TEX11: variants seen among roughly 807,000 people sequenced by gnomAD.
TEX11 encodes the protein testis-expressed protein 11.
In TEX11, 7 loss-of-function variants were observed where a neutral mutation model predicts 84.4. The observed-to-expected ratio is 0.08, with a 90% CI of 0.05 to 0.16. TEX11 has a LOEUF of 0.16. Among genes scored for constraint, TEX11 ranks in the 10% least tolerant of loss-of-function variants. TEX11 has a pLI of 1.00. For synonymous variants in TEX11, 264 were observed against 222.8 expected (o/e 1.18, Z -1.64); for missense variants, 551 against 660.5 (o/e 0.83, Z 1.82).
At chrX:70,591,110 C>A (rs1301287466) in intron 25 of TEX11, among the ~76,000 whole-genome samples, 2 of 111,641 alleles carry the variant, frequency 1.8e-5, no homozygotes, top group Non-Finnish European at 3.8e-5. Flanking sequence ...TGAAGACTAG[C>A]CTACATTTAG....
intron 17 of TEX11, among the ~76,000 whole-genome samples, chrX:70,638,471 T>C (rs761095744): frequency 2.7e-5 from 3 of 111,283 alleles, no homozygotes; most frequent in African/African-American, 9.8e-5. Flanking sequence ...CCCAGACTTG[T>C]CTTACTAGAA....
intron 7 of TEX11, among the ~76,000 whole-genome samples, chrX:70,845,592 C>G (rs2091474979): frequency 9.0e-6 from 1 of 110,760 alleles, no homozygotes; most frequent in Non-Finnish European, 1.9e-5. Context: ...CTTTGGGAGG[C>G]TGAAGTGGGC....
chrX:70,573,248 G>T (rs1293455495), intron 25 of TEX11, among the ~76,000 whole-genome samples: 1 of 111,309 alleles, frequency 9.0e-6, no homozygotes, highest in African/African-American at 3.3e-5. Context: ...TCTACTCACT[G>T]CCATTAAGGC....
chrX:70,604,587 T>A (rs976425615), intron 24 of TEX11, among the ~76,000 whole-genome samples: 3 of 111,104 alleles, frequency 2.7e-5, no homozygotes, highest in Non-Finnish European at 5.7e-5. Flanking sequence ...TTGTTTCAGA[T>A]CCAAAGAACA....
intron 14 of TEX11, among the ~76,000 whole-genome samples, chrX:70,681,780 T>G (rs2090149729): frequency 9.0e-6 from 1 of 111,314 alleles, no homozygotes; most frequent in African/African-American, 3.3e-5. Flanking sequence ...ATAACCAAGT[T>G]TATCAAAACT....
At chrX:70,568,532 C>A (rs1194115294) in intron 25 of TEX11, among the ~76,000 whole-genome samples, 2 of 110,390 alleles carry the variant, frequency 1.8e-5, no homozygotes, top group Non-Finnish European at 3.8e-5. Context: ...ATGATTTTGC[C>A]GTGGCTGGTC....
chrX:70,793,076 GAA>G (rs2091134592), intron 9 of TEX11, among the ~76,000 whole-genome samples: 1 of 111,052 alleles, frequency 9.0e-6, no homozygotes, highest in Admixed American at 9.6e-5. Flanking sequence ...CACATAAACA[GAA>G]TTAAAAACAA....
rs1016690543 is a variant in TEX11 at position 70,678,811 on chromosome X, C to T, written c.1235G>A (p.Ser412Asn). 1.9e-5 allele frequency: 23 copies of T among 1,201,562 alleles called. No individual in the cohort carries two copies. The highest frequency in any genetic ancestry group is 2.6e-5 in the Non-Finnish European group (23 of 891,715). Reference sequence around the variant, plus strand: ...AAGAGATTATTCTCAAACCTCAAAACTACTGGCAGCTTGTCTCCACAGAAT... The same window carrying T: ...AAGAGATTATTCTCAAACCTCAAAATTACTGGCAGCTTGTCTCCACAGAAT... The part of the protein sequence containing the change: ...HNILWRQAAS[S>N]FEVQNYTDAL... The change falls in exon 15 of 30, where the codon AGT (serine) becomes AAT (asparagine). Residue 412 changes from serine to asparagine, a missense_variant. Ser to Asn is a conservative substitution (Grantham distance 46). Coordinates refer to ENST00000374333, the MANE Select transcript of TEX11 (RefSeq NM_031276.3).
intron 15 of TEX11, among the ~76,000 whole-genome samples, chrX:70,674,899 A>G (rs2090056524): frequency 9.2e-6 from 1 of 108,311 alleles, no homozygotes; most frequent in Non-Finnish European, 1.9e-5. Context: ...TTTCTGCCTT[A>G]TTTTAGATTA....
At chrX:70,535,541 G>T (rs1487916242) in intron 28 of TEX11, among the ~76,000 whole-genome samples, 2 of 111,462 alleles carry the variant, frequency 1.8e-5, no homozygotes, top group Non-Finnish European at 3.8e-5. Flanking sequence ...GAGCTCAGAA[G>T]GTTGAGACCA....
intron 7 of TEX11, among the ~76,000 whole-genome samples, chrX:70,835,837 C>T (rs1052388709): frequency 9.0e-5 from 10 of 111,601 alleles, no homozygotes; most frequent in Non-Finnish European, 1.5e-4. Flanking sequence ...CAGGGCTGGG[C>T]CCAGTGGCTC....
chrX:70,650,760 CT>C, intron 17 of TEX11, among the ~76,000 whole-genome samples: 1 of 112,166 alleles, frequency 8.9e-6, no homozygotes, highest in East Asian at 2.8e-4. Context: ...AGTTTCTTAA[CT>C]TCTGCCAAAC....
intron 28 of TEX11, among the ~76,000 whole-genome samples, chrX:70,550,830 A>G (rs2088203688): frequency 8.9e-6 from 1 of 111,768 alleles, no homozygotes; most frequent in South Asian, 3.8e-4. Context: ...ACCACTATGG[A>G]GAACAGTTCG....
intron 8 of TEX11, among the ~76,000 whole-genome samples, chrX:70,811,133 A>G (rs997680525): frequency 9.0e-6 from 1 of 110,864 alleles, no homozygotes; most frequent in African/African-American, 3.3e-5. Context: ...CCATTAACTC[A>G]TCATTTACAT....
chrX:70,619,416 G>T (rs1377841162), intron 20 of TEX11, among the ~76,000 whole-genome samples: 1 of 111,316 alleles, frequency 9.0e-6, no homozygotes, highest in Non-Finnish European at 1.9e-5. Flanking sequence ...TGAGGGGGAG[G>T]CATTTGCTAG....
At position 70,615,947 on chromosome X, in the gene TEX11, T is replaced by C. The variant is rs144827211; in HGVS notation, c.1752-5404A>G. 5.7e-3 allele frequency among the ~76,000 whole-genome samples: 635 copies of C among 111,678 alleles called. 9 individuals are homozygous for C. Among genetic ancestry groups the C allele is most frequent in the African/African-American group, 0.019 (596 of 30,751 alleles). ...ATCTGGCAAAAATATCCTTTAAACA[T>C]GTAGGAGAAATAAAGGCTTTCCCAG... On this transcript the variant is annotated intron_variant, in intron 20 of 29. Transcript: ENST00000374333.
At chrX:70,546,559 T>A (rs1056340894) in intron 28 of TEX11, among the ~76,000 whole-genome samples, 1 of 111,370 alleles carries the variant, frequency 9.0e-6, no homozygotes, top group African/African-American at 3.3e-5. Context: ...AATTCCATTT[T>A]AAAAATGGGA....
chrX:70,688,673 T>C (rs1208321342), intron 13 of TEX11, among the ~76,000 whole-genome samples: 1 of 109,193 alleles, frequency 9.2e-6, no homozygotes, highest in African/African-American at 3.3e-5. Context: ...GATACTATAA[T>C]AGCAGATACG....
chrX:70,623,040 G>A (rs2089412624), intron 20 of TEX11, among the ~76,000 whole-genome samples: 1 of 111,950 alleles, frequency 8.9e-6, no homozygotes, highest in Non-Finnish European at 1.9e-5. Flanking sequence ...GATTTATGAA[G>A]CCTATAAAGA....
Sources: allele counts gnomAD v4.1 joint callset (sites outside exome capture counted in the v4.1 genomes callset), GRCh38; gene constraint gnomAD v4.1.1; transcripts MANE v1.5; gene names NCBI Gene and HGNC (gene_info 2026-07-23, HGNC 2026-07-21).